The following PACRG variants were observed in gnomAD, a reference collection of about 807,000 sequenced individuals.
PACRG encodes parkin coregulated gene protein.
In PACRG, 29 loss-of-function variants were observed where a neutral mutation model predicts 29.7. That is an observed-to-expected ratio of 0.98 (90% CI 0.73 to 1.33). PACRG has a LOEUF of 1.33. Among genes scored for constraint, PACRG ranks in the 40% most tolerant of loss-of-function variants. PACRG has a pLI of 0.00. For missense variants in PACRG, 279 were observed against 316.2 expected (o/e 0.88, Z 0.89); for synonymous variants, 116 against 118.7 (o/e 0.98, Z 0.15).
At chr6:163,076,458 C>A (rs900223507) in intron 3 of PACRG, among the ~76,000 whole-genome samples, 1 of 152,184 alleles carries the variant, frequency 6.6e-6, no homozygotes, top group African/African-American at 2.4e-5. Context: ...CCCCAGGCCA[C>A]ACAACTTAGC....
chr6:162,784,728 A>T (rs1784330985), intron 1 of PACRG, among the ~76,000 whole-genome samples: 1 of 152,174 alleles, frequency 6.6e-6, no homozygotes, highest in African/African-American at 2.4e-5. Flanking sequence ...TTAAATGTCA[A>T]CTGTGACAAT....
intron 2 of PACRG, among the ~76,000 whole-genome samples, chr6:162,951,289 A>G (rs956380779): frequency 2.6e-5 from 4 of 152,226 alleles, no homozygotes; most frequent in African/African-American, 7.2e-5. Context: ...CAAATGAAAG[A>G]TTGAAACTCG....
chr6:162,853,757 T>C lies in PACRG; in HGVS notation c.291+39476T>C, dbSNP rs1791125893. Reference sequence around the variant, plus strand: ...TTCACATGTACCCCTAAACCTAAAATAAACATTTTTTAAAAAGCTATACTA... The same window carrying C: ...TTCACATGTACCCCTAAACCTAAAACAAACATTTTTTAAAAAGCTATACTA... On this transcript the variant is annotated intron_variant, in intron 2 of 4. Coordinates refer to ENST00000366888, the MANE Select transcript of PACRG (RefSeq NM_001080379.2). This position sits in a 1 kb window ranked among gnomAD's most constrained non-coding sequence, Gnocchi z 4.7. 6.6e-6 allele frequency among the ~76,000 whole-genome samples: 1 copy of C among 152,114 alleles called. No homozygotes were observed. The highest frequency in any genetic ancestry group is 2.1e-4 in the South Asian group (1 of 4,826).
At chr6:163,095,059 G>A (rs149587322) in intron 4 of PACRG, among the ~76,000 whole-genome samples, 14 of 152,272 alleles carry the variant, frequency 9.2e-5, no homozygotes, top group African/African-American at 2.9e-4. Flanking sequence ...TGGTTGTGCA[G>A]CGATCTAAGT....
At chr6:163,277,349 A>G (rs1437478968) in intron 4 of PACRG, among the ~76,000 whole-genome samples, 1 of 151,904 alleles carries the variant, frequency 6.6e-6, no homozygotes, top group Non-Finnish European at 1.5e-5. Context: ...GTGAGAACAT[A>G]TGATGTTTGG....
intron 4 of PACRG, among the ~76,000 whole-genome samples, chr6:163,139,664 G>A (rs542635187): frequency 2.6e-5 from 4 of 152,050 alleles, no homozygotes; most frequent in African/African-American, 9.6e-5. Context: ...ATTACTTTCT[G>A]TCTTAATCCC....
chr6:162,809,225 T>A, intron 1 of PACRG, among the ~76,000 whole-genome samples: 1 of 152,050 alleles, frequency 6.6e-6, no homozygotes, highest in East Asian at 1.9e-4. Flanking sequence ...GAGAACATTC[T>A]TGCTTCTGTT....
chr6:163,218,095 G>C (rs765205749), intron 4 of PACRG, among the ~76,000 whole-genome samples: 1 of 152,152 alleles, frequency 6.6e-6, no homozygotes, highest in Non-Finnish European at 1.5e-5. Context: ...TAGGGGTGTT[G>C]TATTCTTCAT....
intron 2 of PACRG, among the ~76,000 whole-genome samples, chr6:162,960,702 A>T (rs1800537916): frequency 6.6e-6 from 1 of 152,196 alleles, no homozygotes; most frequent in African/African-American, 2.4e-5. Flanking sequence ...AAATCTGCAC[A>T]TGTACCCCCT....
chr6:163,232,309 A>C (rs1782076252), intron 4 of PACRG, among the ~76,000 whole-genome samples: 1 of 152,170 alleles, frequency 6.6e-6, no homozygotes, highest in African/African-American at 2.4e-5. Flanking sequence ...GCTACTCCAG[A>C]GGCTCCTCCG....
chr6:163,113,737 C>G (rs1815834715), intron 4 of PACRG, among the ~76,000 whole-genome samples: 1 of 152,032 alleles, frequency 6.6e-6, no homozygotes, highest in African/African-American at 2.4e-5. Context: ...ACTGCTACAC[C>G]CACCCTGCAG....
intron 4 of PACRG, among the ~76,000 whole-genome samples, chr6:163,201,317 TACA>T (rs1215208478): frequency 6.6e-6 from 1 of 152,238 alleles, no homozygotes; most frequent in Non-Finnish European, 1.5e-5. Flanking sequence ...CCAGGAAGAC[TACA>T]ACATTTATCA....
At position 163,062,236 on chromosome 6, in the gene PACRG, T is replaced by C. The variant is rs1811156119; in HGVS notation, c.378T>C (p.Phe126=). Reference sequence around the variant, plus strand: ...AAATGACATTTCCCTATGAGTTTTTTGCTCGGCAAGGAATCCACGACATGC... The same window carrying C: ...AAATGACATTTCCCTATGAGTTTTTCGCTCGGCAAGGAATCCACGACATGC... ...LCEMTFPYEF[F]ARQGIHDMLE... The change falls in exon 3 of 5, where the codon TTT becomes TTC. Residue 126 remains phenylalanine, a synonymous_variant. Coordinates refer to ENST00000366888, the MANE Select transcript of PACRG (RefSeq NM_001080379.2). The C allele has an allele frequency of 6.2e-7, 1 of 1,614,122 alleles. No individual in the cohort carries two copies. The highest frequency in any genetic ancestry group is 1.3e-5 in the African/African-American group (1 of 74,934).
At chr6:163,117,378 C>T (rs985659413) in intron 4 of PACRG, among the ~76,000 whole-genome samples, 1 of 152,108 alleles carries the variant, frequency 6.6e-6, no homozygotes, top group Admixed American at 6.5e-5. Context: ...GTTTCCTACC[C>T]CAGCACTAAG....
intron 2 of PACRG, among the ~76,000 whole-genome samples, chr6:162,929,227 C>G (rs1797671242): frequency 6.6e-6 from 1 of 151,902 alleles, no homozygotes; most frequent in Admixed American, 6.6e-5. Flanking sequence ...AATTTACATT[C>G]CCCCCAACAG....
intron 2 of PACRG, among the ~76,000 whole-genome samples, chr6:162,966,486 T>C (rs1346975032): frequency 6.6e-6 from 1 of 151,490 alleles, no homozygotes; most frequent in African/African-American, 2.4e-5. Context: ...TATTTTTTTT[T>C]TTTTTTTTGA....
chr6:163,032,106 TA>T (rs1807721325), intron 2 of PACRG, among the ~76,000 whole-genome samples: 1 of 152,200 alleles, frequency 6.6e-6, no homozygotes, highest in African/African-American at 2.4e-5. Context: ...AGAAATCAGA[TA>T]GAGAGAAACA....
Position 162,742,079 on chromosome 6 carries a change from G to C in PACRG, c.156+13688G>C, listed in dbSNP as rs138647971. Among the ~76,000 whole-genome samples, 56 of 152,142 alleles carry C rather than the reference G, an allele frequency of 3.7e-4. No homozygotes were observed. In the East Asian group the frequency reaches 8.9e-3, roughly 24 times the overall value. On this transcript the variant is annotated intron_variant, in intron 1 of 4. Transcript: ENST00000366888. Reference sequence around the variant, plus strand: ...CAACTCCCTCATCTCCCAGCTTCTGGTAAGTACCCTTCTACTCTTTGCTTC... The same window carrying C: ...CAACTCCCTCATCTCCCAGCTTCTGCTAAGTACCCTTCTACTCTTTGCTTC...
intron 4 of PACRG, among the ~76,000 whole-genome samples, chr6:163,277,651 A>ATG (rs568665734): frequency 2.1e-4 from 31 of 146,700 alleles, no homozygotes; most frequent in Admixed American, 6.7e-4. Context: ...ATATATGTAT[A>ATG]TGTGTGTGTG....
Sources: allele counts gnomAD v4.1 joint callset (sites outside exome capture counted in the v4.1 genomes callset), GRCh38; gene constraint gnomAD v4.1.1; non-coding constraint Gnocchi (gnomAD v3.1); transcripts MANE v1.5; gene names NCBI Gene and HGNC (gene_info 2026-07-23, HGNC 2026-07-21).